The following KIAA1328 variants were observed in gnomAD, a reference collection of about 807,000 sequenced individuals.
KIAA1328 encodes the protein protein hinderin.
A neutral mutation model predicts 68.1 loss-of-function variants in KIAA1328; 52 were observed. The ratio of observed to expected loss-of-function variants is 0.76; its 90% CI spans 0.61 to 0.96. KIAA1328 has a LOEUF of 0.96. Among genes scored for constraint, KIAA1328 ranks in the 40% least tolerant of loss-of-function variants. KIAA1328 has a pLI of 0.00. For synonymous variants in KIAA1328, 232 were observed against 239.4 expected, an observed-to-expected ratio of 0.97 and a Z score of 0.28; for missense variants, 641 against 677.6, an observed-to-expected ratio of 0.95 and a Z score of 0.60.
intron 4 of KIAA1328, among the ~76,000 whole-genome samples, chr18:36,844,973 A>G (rs1027205045): frequency 6.6e-6 from 1 of 151,840 alleles, no homozygotes; most frequent in African/African-American, 2.4e-5. Context: ...AAATAGTACT[A>G]CTTTTTATCA....
At chr18:37,162,576 T>C (rs2059304992) in intron 8 of KIAA1328, among the ~76,000 whole-genome samples, 1 of 152,180 alleles carries the variant, frequency 6.6e-6, no homozygotes, top group Non-Finnish European at 1.5e-5. Context: ...GATATAAACT[T>C]TCCATGGATG....
At chr18:36,873,216 A>T (rs1373298883) in intron 4 of KIAA1328, among the ~76,000 whole-genome samples, 1 of 152,176 alleles carries the variant, frequency 6.6e-6, no homozygotes, top group Non-Finnish European at 1.5e-5. Flanking sequence ...CCAAAAAGAA[A>T]CCAGGTGGCA....
At chr18:36,972,764 C>T (rs574522918) in intron 6 of KIAA1328, among the ~76,000 whole-genome samples, 1 of 152,258 alleles carries the variant, frequency 6.6e-6, no homozygotes, top group South Asian at 2.1e-4. Flanking sequence ...CGTTCCTGTC[C>T]CAGTAAGCAA....
intron 7 of KIAA1328, among the ~76,000 whole-genome samples, chr18:37,107,494 A>G (rs2017596): frequency 0.4 from 61,416 of 152,038 alleles, 14,259 homozygotes; most frequent in African/African-American, 0.64. Flanking sequence ...CCATGAGCAT[A>G]GAATGTTTTT....
chr18:36,912,734 T>C (rs867532548), intron 5 of KIAA1328, among the ~76,000 whole-genome samples: 1 of 152,150 alleles, frequency 6.6e-6, no homozygotes, highest in Non-Finnish European at 1.5e-5. Context: ...TTAAATCTTA[T>C]CAGCTCAAAA....
At chr18:37,041,482 G>A (rs975103112) in intron 6 of KIAA1328, among the ~76,000 whole-genome samples, 17 of 151,714 alleles carry the variant, frequency 1.1e-4, no homozygotes, top group African/African-American at 3.9e-4. Flanking sequence ...ATTTTATCTA[G>A]TTTGACAATC....
At chr18:37,165,508 C>T (rs967236712) in intron 8 of KIAA1328, among the ~76,000 whole-genome samples, 7 of 151,726 alleles carry the variant, frequency 4.6e-5, no homozygotes, top group Non-Finnish European at 8.8e-5. Context: ...CAGCCTCCAC[C>T]TCCTAGGTTC....
chr18:37,076,580 C>T (rs2056744271), intron 7 of KIAA1328, among the ~76,000 whole-genome samples: 1 of 151,626 alleles, frequency 6.6e-6, no homozygotes, highest in South Asian at 2.1e-4. Flanking sequence ...AATTGATAGA[C>T]CGCTAGCAAG....
intron 6 of KIAA1328, among the ~76,000 whole-genome samples, chr18:37,010,645 G>A (rs1202041950): frequency 6.6e-6 from 1 of 152,066 alleles, no homozygotes; most frequent in Non-Finnish European, 1.5e-5. Context: ...AAGGGAAGGT[G>A]ATGGAGATAA....
At chr18:37,027,565 A>G (rs1451031511) in intron 6 of KIAA1328, among the ~76,000 whole-genome samples, 1 of 152,204 alleles carries the variant, frequency 6.6e-6, no homozygotes, top group Non-Finnish European at 1.5e-5. Flanking sequence ...ATAATACCAC[A>G]TATCTACAGC....
intron 4 of KIAA1328, among the ~76,000 whole-genome samples, chr18:36,872,704 T>A (rs997295416): frequency 6.6e-6 from 1 of 152,138 alleles, no homozygotes; most frequent in African/African-American, 2.4e-5. Flanking sequence ...ATGAGACATA[T>A]GAAAAGTTAG....
intron 9 of KIAA1328, among the ~76,000 whole-genome samples, chr18:37,195,755 G>A (rs1380410455): frequency 6.6e-6 from 1 of 152,060 alleles, no homozygotes; most frequent in African/African-American, 2.4e-5. Flanking sequence ...CCAGCTTTTT[G>A]TTTTGCTCAG....
chr18:36,911,378 C>A (rs1216355415), intron 5 of KIAA1328, among the ~76,000 whole-genome samples: 1 of 152,126 alleles, frequency 6.6e-6, no homozygotes, highest in East Asian at 1.9e-4. Context: ...GCATGACATT[C>A]TTTACTCTAA....
intron 2 of KIAA1328, 118 bp downstream of exon 2, chr18:36,834,473 A>G: frequency 2.5e-6 from 2 of 811,714 alleles, no homozygotes; most frequent in Non-Finnish European, 3.5e-6. Flanking sequence ...GCAGTACATC[A>G]AAACCTAAAA....
intron 6 of KIAA1328, among the ~76,000 whole-genome samples, chr18:37,032,653 G>T (rs1367973998): frequency 1.3e-5 from 2 of 151,312 alleles, no homozygotes; most frequent in African/African-American, 4.9e-5. Context: ...TTGTTTGTTT[G>T]TTTTTGAGAT....
rs541002157 is a variant in KIAA1328 at position 36,923,754 on chromosome 18, C to T, written c.449-35554C>T. On this transcript the variant is annotated intron_variant, in intron 5 of 9. Coordinates refer to ENST00000280020, the MANE Select transcript of KIAA1328 (RefSeq NM_020776.3). ...ATTTAAATTTAAATTAATTATAATT[C>T]AGTAAAATAAATTTTGTACCTGTTA... 10 of 152,244 alleles carry T rather than the reference C, an allele frequency of 6.6e-5. No individual in the cohort carries two copies. In the South Asian group the frequency reaches 2.1e-3, roughly 32 times the overall value. The allele number at this position is 152,244 out of a possible 1,614,324, so 9.4% of individuals were successfully genotyped here. A position where few individuals can be genotyped will look rare whatever the true frequency, so the allele number is the denominator to read the frequency against.
At chr18:37,112,965 A>T (rs1363535043) in intron 7 of KIAA1328, among the ~76,000 whole-genome samples, 1 of 152,206 alleles carries the variant, frequency 6.6e-6, no homozygotes, top group Non-Finnish European at 1.5e-5. Flanking sequence ...GAGAAAAAAG[A>T]GTAAAAAGAA....
At chr18:36,853,312 G>A (rs976968802) in intron 4 of KIAA1328, among the ~76,000 whole-genome samples, 1 of 152,140 alleles carries the variant, frequency 6.6e-6, no homozygotes, top group Middle Eastern at 3.2e-3. Context: ...TACATTTAAA[G>A]TAATTACTTA....
chr18:37,067,169 C>G lies in KIAA1328; in HGVS notation c.856C>G (p.Pro286Ala). ...RKPAVPTEKM[P>A]QEELHMKECP... ...ACCTGCAGTCCCAACAGAGAAAATGCCACAAGAAGAATTGCACATGAAGGA... is the reference window on the plus strand; with the variant it reads ...ACCTGCAGTCCCAACAGAGAAAATGGCACAAGAAGAATTGCACATGAAGGA... Residue 286 changes from proline to alanine, a missense_variant, in exon 7 of 10, where the codon CCA (proline) becomes GCA (alanine). Pro to Ala is a conservative substitution (Grantham distance 27). Coordinates refer to ENST00000280020, the MANE Select transcript of KIAA1328 (RefSeq NM_020776.3). 1 of 1,613,962 alleles carries G rather than the reference C, an allele frequency of 6.2e-7. No individual in the cohort carries two copies.
Sources: gnomAD v4.1 joint callset for allele counts (sites outside exome capture counted in the v4.1 genomes callset) on GRCh38, gnomAD v4.1.1 for gene constraint, MANE v1.5 for transcripts, NCBI Gene and HGNC (gene_info 2026-07-23, HGNC 2026-07-21) for gene names.